The following PCDHGB7 variants were observed in gnomAD, a reference collection of about 807,000 sequenced individuals.
PCDHGB7 encodes protocadherin gamma-B7.
Under a neutral mutation model 61.4 loss-of-function variants are expected in PCDHGB7, and 37 were observed. The observed-to-expected ratio is 0.60, with a 90% CI of 0.46 to 0.79. PCDHGB7 has a LOEUF of 0.79. PCDHGB7 is among the 30% of genes least tolerant of loss of function. The pLI is 0.00. For missense variants in PCDHGB7, 1,166 were observed against 1,202.5 expected (o/e 0.97, Z 0.45); for synonymous variants, 464 against 503.5 (o/e 0.92, Z 1.05).
At chr5:141,470,078 G>C (rs542998375) in intron 1 of PCDHGB7, among the ~76,000 whole-genome samples, 21 of 152,182 alleles carry the variant, frequency 1.4e-4, no homozygotes, top group Non-Finnish European at 2.9e-4. Context: ...GTAGTGATCT[G>C]AGATCATGCC....
In PCDHGB7 at chr5:141,432,198, AC is replaced by A. The variant is rs1345236539; in HGVS notation, c.2415+11925del. ...GTCTCTGTGACCGCCCACGACCCCG[AC>A]TGTGAAGAGAACGCCCAGATCACTT... is the stretch of plus-strand genomic sequence containing the variant. On this transcript the variant is annotated intron_variant, in intron 1 of 3. Coordinates refer to ENST00000398594, the MANE Select transcript of PCDHGB7 (RefSeq NM_018927.4). This position sits in a 1 kb window ranked among gnomAD's most constrained non-coding sequence, Gnocchi z 6.0. 6 of 1,613,998 alleles carry A rather than the reference AC, an allele frequency of 3.7e-6. No homozygotes were observed. Among genetic ancestry groups the A allele is most frequent in the Non-Finnish European group, 4.2e-6 (5 of 1,180,030 alleles).
In PCDHGB7 at chr5:141,491,921, A is replaced by T; in HGVS notation, c.2416-2886A>T. ...CCGGGGGTGGTGGCGACTGTGGGCG[A>T]GGGGAGGTGGGACCGACCCCCACCC... On this transcript the variant is annotated intron_variant, in intron 1 of 3. Coordinates refer to ENST00000398594, the MANE Select transcript of PCDHGB7 (RefSeq NM_018927.4). The surrounding 1 kb of genome is among the most constrained non-coding windows in gnomAD (Gnocchi z 6.9). The T allele has an allele frequency of 1.5e-6, 2 of 1,353,738 alleles. No homozygotes were observed. Among genetic ancestry groups the T allele is most frequent in the Non-Finnish European group, 2.0e-6 (2 of 1,013,388 alleles). 83.9% of individuals were successfully genotyped at this position (1,353,738 alleles called of 1,614,324 possible). A position where few individuals can be genotyped will look rare whatever the true frequency, so the allele number is the denominator to read the frequency against.
At chr5:141,492,933 A>G (rs935580560) in intron 1 of PCDHGB7, among the ~76,000 whole-genome samples, 3 of 152,194 alleles carry the variant, frequency 2.0e-5, no homozygotes, top group Admixed American at 6.5e-5. Flanking sequence ...CTAGGGTCAG[A>G]GATTTGGAGG....
intron 1 of PCDHGB7, chr5:141,478,260 T>C (rs1340624663): frequency 6.2e-7 from 1 of 1,614,182 alleles, no homozygotes; most frequent in East Asian, 2.2e-5. Context: ...GTAATCATAT[T>C]CAAAGTTTAC....
At chr5:141,422,984 G>T in intron 1 of PCDHGB7, 2 of 1,614,230 alleles carry the variant, frequency 1.2e-6, no homozygotes, top group Non-Finnish European at 1.7e-6. Flanking sequence ...GCGGAACCTG[G>T]CTACCTGGTG....
At chr5:141,423,095 A>G (rs2096708889) in intron 1 of PCDHGB7, 3 of 1,613,978 alleles carry the variant, frequency 1.9e-6, no homozygotes, top group Non-Finnish European at 2.5e-6. Flanking sequence ...GTGGGGGAGC[A>G]CACGGGCGAG....
chr5:141,420,088 C>T lies in PCDHGB7; in HGVS notation c.2229C>T (p.Tyr743=). The part of the protein sequence containing the change: ...SKSGPVGPPN[Y]SEGTLPYAYN... ...CCGGACCTGTGGGTCCCCCCAACTA[C>T]AGTGAGGGAACGTTGCCCTATGCCT... is the stretch of plus-strand genomic sequence containing the variant. The change falls in exon 1 of 4, where the codon TAC becomes TAT. Residue 743 remains tyrosine, a synonymous_variant. Transcript: ENST00000398594. 3.1e-6 allele frequency: 5 copies of T among 1,614,002 alleles called. No individual in the cohort carries two copies. The highest frequency in any genetic ancestry group is 4.2e-6 in the Non-Finnish European group (5 of 1,179,826).
Position 141,485,096 on chromosome 5 carries a change from CCAG to C in PCDHGB7, c.2416-9709_2416-9707del. The C allele has an allele frequency of 8.9e-7, 1 of 1,125,684 alleles. No homozygotes were observed. The highest frequency in any genetic ancestry group is 1.3e-6 in the Non-Finnish European group (1 of 759,466). 69.7% of individuals were successfully genotyped at this position (1,125,684 alleles called of 1,614,324 possible). A position where few individuals can be genotyped will look rare whatever the true frequency, so the allele number is the denominator to read the frequency against. ...CGCGGGGAAAGGGAGATAGGTGTCTCCAGCTGCTGTGGCTGTTTGGGGCGGGTC... is the reference window on the plus strand; with the variant it reads ...CGCGGGGAAAGGGAGATAGGTGTCTCCTGCTGTGGCTGTTTGGGGCGGGTC... On this transcript the variant is annotated intron_variant, in intron 1 of 3. Transcript: ENST00000398594. The surrounding 1 kb of genome is among the most constrained non-coding windows in gnomAD (Gnocchi z 5.7).
intron 1 of PCDHGB7, chr5:141,433,041 C>G (rs1171788078): frequency 6.2e-7 from 1 of 1,614,036 alleles, no homozygotes; most frequent in Non-Finnish European, 8.5e-7. Flanking sequence ...TCCCTCACCA[C>G]GGACTCGCGG....
intron 1 of PCDHGB7, among the ~76,000 whole-genome samples, chr5:141,472,071 A>G (rs1243864250): frequency 6.6e-6 from 1 of 152,200 alleles, no homozygotes. Context: ...GTCTGTGGTT[A>G]TATCAATGAG....
chr5:141,478,521 G>A, intron 1 of PCDHGB7: 1 of 1,610,618 alleles, frequency 6.2e-7, no homozygotes, highest in Non-Finnish European at 8.5e-7. Context: ...CAGGTGTTGG[G>A]TGCAGAGAGC....
chr5:141,469,834 T>C (rs1228732202), intron 1 of PCDHGB7, among the ~76,000 whole-genome samples: 4 of 152,068 alleles, frequency 2.6e-5, no homozygotes, highest in African/African-American at 9.7e-5. Context: ...ACATAAAACT[T>C]ATTCTTAAGA....
chr5:141,478,040 C>G (rs773058963), intron 1 of PCDHGB7: 1 of 1,614,160 alleles, frequency 6.2e-7, no homozygotes, highest in Non-Finnish European at 8.5e-7. Context: ...TTCACCCAGG[C>G]AGACTCTCAC....
intron 1 of PCDHGB7, chr5:141,421,851 T>G: frequency 6.2e-7 from 1 of 1,613,714 alleles, no homozygotes; most frequent in East Asian, 2.2e-5. Context: ...AAGAGGCTGC[T>G]CACCTGCTCC....
intron 1 of PCDHGB7, among the ~76,000 whole-genome samples, chr5:141,467,062 T>C (rs2099136058): frequency 6.6e-6 from 1 of 151,686 alleles, no homozygotes; most frequent in South Asian, 2.1e-4. Context: ...TTTCTTTTTT[T>C]TTTTTTTTTA....
chr5:141,486,278 G>A lies in PCDHGB7; in HGVS notation c.2416-8529G>A. The A allele has an allele frequency of 1.2e-6, 2 of 1,614,088 alleles. No individual in the cohort carries two copies. Among genetic ancestry groups the A allele is most frequent in the South Asian group, 2.2e-5 (2 of 91,068 alleles). On this transcript the variant is annotated intron_variant, in intron 1 of 3. Transcript: ENST00000398594. This position sits in a 1 kb window ranked among gnomAD's most constrained non-coding sequence, Gnocchi z 5.0. The stretch of plus-strand genomic sequence containing the variant: ...CGAGAGTGCAGAACCTGGCACTGTG[G>A]TGGCACTTATCAGTGTGCAGGATCC...
chr5:141,446,191 T>C (rs2098492956), intron 1 of PCDHGB7, among the ~76,000 whole-genome samples: 1 of 152,206 alleles, frequency 6.6e-6, no homozygotes, highest in Non-Finnish European at 1.5e-5. Flanking sequence ...TGTTTATTAT[T>C]ATATTCCTAG....
In PCDHGB7 at chr5:141,418,445, T is replaced by C. The variant is rs2154547687; in HGVS notation, c.586T>C (p.Leu196=). The C allele has an allele frequency of 2.5e-6, 4 of 1,614,038 alleles. No homozygotes were observed. Among genetic ancestry groups the C allele is most frequent in the East Asian group, 2.2e-5 (1 of 44,878 alleles). Reference sequence around the variant, plus strand: ...TGGTGGCAAATATCCAGAATTAGTATTGCAGAAGACTCTGGACCGAGAAAC... The same window carrying C: ...TGGTGGCAAATATCCAGAATTAGTACTGCAGAAGACTCTGGACCGAGAAAC... ...PDGGKYPELV[L]QKTLDRETQS... The change falls in exon 1 of 4, where the codon TTG becomes CTG. Residue 196 remains leucine, a synonymous_variant. Coordinates refer to ENST00000398594, the MANE Select transcript of PCDHGB7 (RefSeq NM_018927.4).
Position 141,476,598 on chromosome 5 carries a change from A to G in PCDHGB7, c.2416-18209A>G, listed in dbSNP as rs1222456783. The G allele has an allele frequency of 6.2e-7, 1 of 1,614,238 alleles. No homozygotes were observed. Among genetic ancestry groups the G allele is most frequent in the South Asian group, 1.1e-5 (1 of 91,088 alleles). On this transcript the variant is annotated intron_variant, in intron 1 of 3. Transcript: ENST00000398594. This position sits in a 1 kb window ranked among gnomAD's most constrained non-coding sequence, Gnocchi z 7.6. ...CGCTTTCCGCTCGAGAGCGCGCACG[A>G]TCCCGATGTGGGAAGCAACTCTTTA... is the stretch of plus-strand genomic sequence containing the variant.
Sources: allele counts gnomAD v4.1 joint callset (sites outside exome capture counted in the v4.1 genomes callset), GRCh38; gene constraint gnomAD v4.1.1; non-coding constraint Gnocchi (gnomAD v3.1); transcripts MANE v1.5; gene names NCBI Gene and HGNC (gene_info 2026-07-23, HGNC 2026-07-21).